Variants in C5AR2 observed in about 807,000 individuals in gnomAD.
C5AR2 encodes the protein C5a anaphylatoxin chemotactic receptor 2.
For synonymous variants in C5AR2, 224 were observed against 216.5 expected, an observed-to-expected ratio of 1.03 and a Z score of -0.30; for missense variants, 458 against 467.5, an observed-to-expected ratio of 0.98 and a Z score of 0.19.
Position 47,346,215 on chromosome 19 carries a change from C to CCATGT in C5AR2, c.*4404_*4405insTGTCA, listed in dbSNP as rs1391460791. On this transcript the variant is annotated 3_prime_UTR_variant, in exon 2 of 2. Transcript: ENST00000595464. ...GAAGCAACTTTCTATGACACGCCTA[C>CCATGT]CAGTGTGCCATGTCAGTTTGCCATT... is the stretch of plus-strand genomic sequence containing the variant. The CCATGT allele has an allele frequency of 1.3e-5, 2 of 152,142 alleles. No homozygotes were observed. Among genetic ancestry groups the CCATGT allele is most frequent in the African/African-American group, 4.8e-5 (2 of 41,434 alleles). 9.4% of individuals were successfully genotyped at this position (152,142 alleles called of 1,614,324 possible). A position where few individuals can be genotyped will look rare whatever the true frequency, so the allele number is the denominator to read the frequency against.
At position 47,346,574 on chromosome 19, in the gene C5AR2, G is replaced by C. The variant is rs890883342; in HGVS notation, c.*4761G>C. On this transcript the variant is annotated 3_prime_UTR_variant, in exon 2 of 2. Transcript: ENST00000595464. ...CAAAAAATTAGCCAGGCGTGTTGGC[G>C]GGAGCCTGTAGACTCAGCTACTCGG... is the stretch of plus-strand genomic sequence containing the variant. 6.6e-6 allele frequency: 1 copy of C among 152,034 alleles called. No homozygotes were observed. Among genetic ancestry groups the C allele is most frequent in the Non-Finnish European group, 1.5e-5 (1 of 68,070 alleles). The allele number at this position is 152,034 out of a possible 1,614,324, so 9.4% of individuals were successfully genotyped here. A position where few individuals can be genotyped will look rare whatever the true frequency, so the allele number is the denominator to read the frequency against.
In C5AR2 at chr19:47,341,794, T is replaced by G; in HGVS notation, c.995T>G (p.Val332Gly). 1.9e-6 allele frequency: 3 copies of G among 1,613,570 alleles called. No individual in the cohort carries two copies. The highest frequency in any genetic ancestry group is 2.5e-6 in the Non-Finnish European group (3 of 1,179,918). Residue 332 changes from valine to glycine, a missense_variant, in exon 2 of 2, where the codon GTC becomes GGC. Coordinates refer to ENST00000595464, the MANE Select transcript of C5AR2 (RefSeq NM_001271749.2). This position sits in a 1 kb window ranked among gnomAD's most constrained non-coding sequence, Gnocchi z 4.6. ...DSKKSTSHDL[V>G]SEMEV ...AAGAAATCCACCAGCCATGACCTGG[T>G]CTCGGAGATGGAGGTGTAGGCTGGA...
chr19:47,333,584 C>CT (rs34383862), intron 1 of C5AR2, among the ~76,000 whole-genome samples: 9,422 of 124,440 alleles, frequency 0.076, 680 homozygotes, highest in African/African-American at 0.14. Context: ...GTTCAGACTC[C>CT]TTTTTTTTTT....
Position 47,341,142 on chromosome 19 carries a change from C to T in C5AR2, c.343C>T (p.Leu115=). The T allele has an allele frequency of 1.9e-6, 3 of 1,601,880 alleles. No individual in the cohort carries two copies. The highest frequency in any genetic ancestry group is 2.5e-6 in the Non-Finnish European group (3 of 1,179,896). The part of the protein sequence containing the change: ...VGCRALPSII[L]LTMYASVLLL... Reference sequence around the variant, plus strand: ...CTGTCGGGCGCTGCCCTCCATCATCCTGCTGACCATGTATGCCAGCGTCCT... The same window carrying T: ...CTGTCGGGCGCTGCCCTCCATCATCTTGCTGACCATGTATGCCAGCGTCCT... The change falls in exon 2 of 2, where the codon CTG becomes TTG. Residue 115 remains leucine, a synonymous_variant. Coordinates refer to ENST00000595464, the MANE Select transcript of C5AR2 (RefSeq NM_001271749.2). The surrounding 1 kb of genome is among the most constrained non-coding windows in gnomAD (Gnocchi z 4.6).
At position 47,341,662 on chromosome 19, in the gene C5AR2, C is replaced by G; in HGVS notation, c.863C>G (p.Pro288Arg). The change falls in exon 2 of 2, where the codon CCC becomes CGC. Residue 288 changes from proline to arginine, a missense_variant. Coordinates refer to ENST00000595464, the MANE Select transcript of C5AR2 (RefSeq NM_001271749.2). The surrounding 1 kb of genome is among the most constrained non-coding windows in gnomAD (Gnocchi z 4.6). ...GCCCTCGCTCACAGCTGCCTCAATC[C>G]CATGCTCTTCCTGTATTTTGGGAGG... ...GLALAHSCLN[P>R]MLFLYFGRAQ... The G allele has an allele frequency of 6.2e-7, 1 of 1,614,132 alleles. No individual in the cohort carries two copies. Among genetic ancestry groups the G allele is most frequent in the Non-Finnish European group, 8.5e-7 (1 of 1,180,032 alleles).
At position 47,341,807 on chromosome 19, in the gene C5AR2, G is replaced by A; in HGVS notation, c.1008G>A (p.Glu336=). Residue 336 remains glutamate, a synonymous_variant, in exon 2 of 2, where the codon GAG becomes GAA. Transcript: ENST00000595464. The surrounding 1 kb of genome is among the most constrained non-coding windows in gnomAD (Gnocchi z 4.6). ...GCCATGACCTGGTCTCGGAGATGGA[G>A]GTGTAGGCTGGAGAGACATTGTGGG... The part of the protein sequence containing the change: ...STSHDLVSEM[E]V The A allele has an allele frequency of 6.2e-7, 1 of 1,613,240 alleles. No individual in the cohort carries two copies. The highest frequency in any genetic ancestry group is 8.5e-7 in the Non-Finnish European group (1 of 1,179,734).
Position 47,343,882 on chromosome 19 carries a change from T to G in C5AR2, c.*2069T>G, listed in dbSNP as rs1969081092. ...GAATAAATTTTCATTTCAAATTTAG[T>G]TCCTCGGGCACACTGGCCATAGTTC... On this transcript the variant is annotated 3_prime_UTR_variant, in exon 2 of 2. Transcript: ENST00000595464. 6.6e-6 allele frequency: 1 copy of G among 152,084 alleles called. No homozygotes were observed. The highest frequency in any genetic ancestry group is 2.1e-4 in the South Asian group (1 of 4,822). The allele number at this position is 152,084 out of a possible 1,614,324, so 9.4% of individuals were successfully genotyped here. A position where few individuals can be genotyped will look rare whatever the true frequency, so the allele number is the denominator to read the frequency against.
chr19:47,336,233 G>A (rs1906050967), intron 1 of C5AR2, among the ~76,000 whole-genome samples: 1 of 151,812 alleles, frequency 6.6e-6, no homozygotes, highest in African/African-American at 2.4e-5. Context: ...GGAATTACAG[G>A]AGCCCACAAC....
Position 47,332,363 on chromosome 19 carries a change from C to G in C5AR2, c.-16+14C>G, listed in dbSNP as rs1159725196. 6.6e-6 allele frequency: 1 copy of G among 152,096 alleles called. No individual in the cohort carries two copies. Among genetic ancestry groups the G allele is most frequent in the Non-Finnish European group, 1.5e-5 (1 of 68,068 alleles). The allele number at this position is 152,096 out of a possible 1,614,324, so 9.4% of individuals were successfully genotyped here. On this transcript the variant is annotated intron_variant, in intron 1 of 1. Transcript: ENST00000595464. ...TTGGAAGAGACGGTAAGGATGGAGG[C>G]TACAAGGGCGGGAAGGAGGGAGAGA...
chr19:47,346,652 C>G lies in C5AR2; in HGVS notation c.*4839C>G, dbSNP rs973749180. The G allele has an allele frequency of 6.6e-6, 1 of 151,788 alleles. No individual in the cohort carries two copies. The highest frequency in any genetic ancestry group is 1.5e-5 in the Non-Finnish European group (1 of 67,990). 9.4% of individuals were successfully genotyped at this position (151,788 alleles called of 1,614,324 possible). A position where few individuals can be genotyped will look rare whatever the true frequency, so the allele number is the denominator to read the frequency against. On this transcript the variant is annotated 3_prime_UTR_variant, in exon 2 of 2. Transcript: ENST00000595464. ...CCCAGGAGGCGGAGCTTGCAGTGAG[C>G]CGAGATCACACCACTGCACTCCAGC...
In C5AR2 at chr19:47,341,522, GTTT is replaced by G; in HGVS notation, c.727_729del (p.Phe243del). The stretch of plus-strand genomic sequence containing the variant: ...CGCTGGGCACAGCCATTGTGGTGGG[GTTT>G]TTTGTCTGCTGGGCACCCTACCACC... On this transcript the variant is annotated inframe_deletion, in exon 2 of 2. Transcript: ENST00000595464. The surrounding 1 kb of genome is among the most constrained non-coding windows in gnomAD (Gnocchi z 4.6). 6.2e-7 allele frequency: 1 copy of G among 1,612,250 alleles called. No individual in the cohort carries two copies. The highest frequency in any genetic ancestry group is 8.5e-7 in the Non-Finnish European group (1 of 1,179,612).
At chr19:47,333,939 C>T (rs891674991) in intron 1 of C5AR2, among the ~76,000 whole-genome samples, 3 of 152,138 alleles carry the variant, frequency 2.0e-5, no homozygotes, top group Admixed American at 1.3e-4. Flanking sequence ...AGACTGGATG[C>T]ACAGACAGGC....
At chr19:47,335,889 T>A (rs763595664) in intron 1 of C5AR2, among the ~76,000 whole-genome samples, 1 of 142,692 alleles carries the variant, frequency 7.0e-6, no homozygotes, top group Non-Finnish European at 1.5e-5. Flanking sequence ...TGGACAGTGA[T>A]AACAGCAGCT....
rs377218578 is a variant in C5AR2 at position 47,341,291 on chromosome 19, G to A, written c.492G>A (p.Leu164=). 1 of 1,607,562 alleles carries A rather than the reference G, an allele frequency of 6.2e-7. No individual in the cohort carries two copies. The part of the protein sequence containing the change: ...ACGAAWTLAL[L]LTVPSAIYRR... ...GGGCAGCCTGGACACTGGCCTTGCT[G>A]CTCACCGTGCCCTCCGCCATCTACC... Residue 164 remains leucine (L), a synonymous_variant, in exon 2 of 2, where the codon CTG becomes CTA. Transcript: ENST00000595464. The surrounding 1 kb of genome is among the most constrained non-coding windows in gnomAD (Gnocchi z 4.6).
At chr19:47,340,368 A>T (rs1968992330) in intron 1 of C5AR2, among the ~76,000 whole-genome samples, 1 of 143,764 alleles carries the variant, frequency 7.0e-6, no homozygotes, top group South Asian at 2.2e-4. Flanking sequence ...TTTTTTTGAG[A>T]TGGAGTCTCA....
At chr19:47,338,802 A>G (rs2059370330) in intron 1 of C5AR2, among the ~76,000 whole-genome samples, 1 of 151,772 alleles carries the variant, frequency 6.6e-6, no homozygotes, top group Non-Finnish European at 1.5e-5. Flanking sequence ...GTGCCGCTGC[A>G]GTCCAGTCTG....
rs774731506 is a variant in C5AR2, at chr19:47,341,857, C to T, written c.*44C>T. On this transcript the variant is annotated 3_prime_UTR_variant, in exon 2 of 2. Transcript: ENST00000595464. This position sits in a 1 kb window ranked among gnomAD's most constrained non-coding sequence, Gnocchi z 4.6. The stretch of plus-strand genomic sequence containing the variant: ...GTGTGTATCTTCTTATCTCATTTCA[C>T]AAGACTGGCTTCAGGCATAGCTGGA... The T allele has an allele frequency of 3.2e-6, 5 of 1,566,770 alleles. No homozygotes were observed. Among genetic ancestry groups the T allele is most frequent in the Admixed American group, 1.7e-5 (1 of 58,804 alleles).
At chr19:47,333,731 A>G (rs1205945954) in intron 1 of C5AR2, among the ~76,000 whole-genome samples, 1 of 151,710 alleles carries the variant, frequency 6.6e-6, no homozygotes, top group Non-Finnish European at 1.5e-5. Context: ...GGCGCCCGCC[A>G]CCGCGCCCAG....
chr19:47,341,594 C>A lies in C5AR2; in HGVS notation c.795C>A (p.Leu265=). Residue 265 remains leucine (L), a synonymous_variant, in exon 2 of 2, where the codon CTC becomes CTA. Coordinates refer to ENST00000595464, the MANE Select transcript of C5AR2 (RefSeq NM_001271749.2). This position sits in a 1 kb window ranked among gnomAD's most constrained non-coding sequence, Gnocchi z 4.6. The part of the protein sequence containing the change: ...VLTVAAPNSA[L]LARALRAEPL... Reference sequence around the variant, plus strand: ...CTGTGGCGGCCCCGAACTCCGCACTCCTGGCCAGGGCCCTGCGGGCTGAAC... The same window carrying A: ...CTGTGGCGGCCCCGAACTCCGCACTACTGGCCAGGGCCCTGCGGGCTGAAC... 2.5e-6 allele frequency: 4 copies of A among 1,613,894 alleles called. No individual in the cohort carries two copies. Among genetic ancestry groups the A allele is most frequent in the Non-Finnish European group, 2.5e-6 (3 of 1,179,950 alleles).
Sources: gnomAD v4.1 joint callset for allele counts (sites outside exome capture counted in the v4.1 genomes callset) on GRCh38, gnomAD v4.1.1 for gene constraint, Gnocchi (gnomAD v3.1) non-coding constraint, MANE v1.5 for transcripts, NCBI Gene and HGNC (gene_info 2026-07-23, HGNC 2026-07-21) for gene names.